The following EXOC4 variants were observed in gnomAD, a reference collection of about 807,000 sequenced individuals.
EXOC4 encodes SEC8-like 1.
In EXOC4, 71 loss-of-function variants were observed where a neutral mutation model predicts 107.2. The observed-to-expected ratio is 0.66, with a 90% confidence interval of 0.55 to 0.81. EXOC4 has a LOEUF of 0.81. Among genes scored for constraint, EXOC4 ranks in the 30% least tolerant of loss-of-function variants. The probability of loss-of-function intolerance (pLI) is 0.00; values close to 1 mark genes in which losing one functional copy is unlikely to be tolerated. For missense variants in EXOC4, 1,108 were observed against 1,189.6 expected (o/e 0.93, Z 1.01); for synonymous variants, 456 against 441.2 (o/e 1.03, Z -0.42).
At chr7:133,300,330 C>T (rs1794615118) in intron 3 of EXOC4, among the ~76,000 whole-genome samples, 1 of 152,172 alleles carries the variant, frequency 6.6e-6, no homozygotes, top group Non-Finnish European at 1.5e-5. Flanking sequence ...CAGGCAGTGG[C>T]AAAGCTTGGC....
At chr7:133,935,834 G>A (rs915161520) in intron 13 of EXOC4, among the ~76,000 whole-genome samples, 2 of 152,134 alleles carry the variant, frequency 1.3e-5, no homozygotes, top group Admixed American at 6.5e-5. Flanking sequence ...ACAGTTACAT[G>A]GGGGTTTGTT....
intron 14 of EXOC4, among the ~76,000 whole-genome samples, chr7:133,990,939 AC>A (rs1187128226): frequency 2.0e-5 from 3 of 152,136 alleles, no homozygotes; most frequent in Non-Finnish European, 4.4e-5. Context: ...TCTTGGATAT[AC>A]CCAGCAGTGA....
chr7:133,495,834 A>C (rs914826521), intron 9 of EXOC4, among the ~76,000 whole-genome samples: 4 of 152,160 alleles, frequency 2.6e-5, no homozygotes, highest in Admixed American at 1.3e-4. Context: ...TAGGAATGGA[A>C]TTGTTGGTTC....
At chr7:134,058,279 T>C (rs573491957) in intron 17 of EXOC4, among the ~76,000 whole-genome samples, 1 of 152,314 alleles carries the variant, frequency 6.6e-6, no homozygotes, top group East Asian at 1.9e-4. Context: ...AGAAGTCAGA[T>C]TCAGCACAGA....
chr7:134,029,264 T>C (rs921032513), intron 17 of EXOC4, among the ~76,000 whole-genome samples: 1 of 152,214 alleles, frequency 6.6e-6, no homozygotes, highest in African/African-American at 2.4e-5. Context: ...CCACCCTGAC[T>C]GATCTCCTAC....
chr7:133,737,916 T>TTTTC (rs1316015009), intron 10 of EXOC4, among the ~76,000 whole-genome samples: 1 of 136,022 alleles, frequency 7.4e-6, no homozygotes, highest in Non-Finnish European at 1.6e-5. Flanking sequence ...TTTCTTTTTT[T>TTTTC]TTTTTTTTTT....
rs1376652851 is a variant in EXOC4, at chr7:133,471,272, C to T, written c.1183-4056C>T. 2.0e-5 allele frequency among the ~76,000 whole-genome samples: 3 copies of T among 151,900 alleles called. No homozygotes were observed. The East Asian group carries it at 5.8e-4, about 29-fold the overall frequency. ...ACTACAAATACAAAAATTAGCTGGGCGTGGTGGCAGGTGCCTGTAATCCCT... is the reference window on the plus strand; with the variant it reads ...ACTACAAATACAAAAATTAGCTGGGTGTGGTGGCAGGTGCCTGTAATCCCT... On this transcript the variant is annotated intron_variant, in intron 7 of 17. Coordinates refer to ENST00000253861, the MANE Select transcript of EXOC4 (RefSeq NM_021807.4).
At chr7:133,692,079 A>G (rs1322621699) in intron 10 of EXOC4, among the ~76,000 whole-genome samples, 2 of 152,178 alleles carry the variant, frequency 1.3e-5, no homozygotes, top group East Asian at 1.9e-4. Context: ...TCACCTATGC[A>G]TAAATAGTGA....
At chr7:133,708,883 T>A (rs559915049) in intron 10 of EXOC4, among the ~76,000 whole-genome samples, 13 of 152,352 alleles carry the variant, frequency 8.5e-5, no homozygotes, top group Non-Finnish European at 1.2e-4. Flanking sequence ...ATAGCTCCAC[T>A]ACTGTACTGT....
intron 10 of EXOC4, among the ~76,000 whole-genome samples, chr7:133,755,274 TATA>T (rs1303810766): frequency 1.0e-5 from 1 of 100,128 alleles, no homozygotes; most frequent in African/African-American, 4.2e-5. Context: ...TTATATATAT[TATA>T]TATATTATAT....
At chr7:133,509,214 GT>G (rs1799721023) in intron 9 of EXOC4, among the ~76,000 whole-genome samples, 1 of 152,100 alleles carries the variant, frequency 6.6e-6, no homozygotes, top group Non-Finnish European at 1.5e-5. Flanking sequence ...GGATCATGAG[GT>G]CAGGAGATCG....
intron 7 of EXOC4, among the ~76,000 whole-genome samples, chr7:133,383,231 C>A (rs970326600): frequency 5.9e-5 from 9 of 152,122 alleles, no homozygotes; most frequent in Non-Finnish European, 1.3e-4. Context: ...TCACTTTGAA[C>A]AAACCCATCC....
intron 9 of EXOC4, among the ~76,000 whole-genome samples, chr7:133,591,156 G>A (rs977930760): frequency 3.3e-5 from 5 of 152,134 alleles, no homozygotes; most frequent in African/African-American, 7.2e-5. Flanking sequence ...AGCATCTCCC[G>A]AGTTGCTGAG....
chr7:134,030,045 G>C (rs1185247442), intron 17 of EXOC4, among the ~76,000 whole-genome samples: 1 of 152,164 alleles, frequency 6.6e-6, no homozygotes, highest in East Asian at 1.9e-4. Context: ...AATATTTATT[G>C]AATAAATGTG....
At chr7:134,017,641 T>C (rs1463541176) in intron 17 of EXOC4, among the ~76,000 whole-genome samples, 1 of 152,206 alleles carries the variant, frequency 6.6e-6, no homozygotes, top group Non-Finnish European at 1.5e-5. Context: ...AATTAATTGA[T>C]CTCTAATTAA....
At chr7:133,392,001 G>A (rs1413722133) in intron 7 of EXOC4, among the ~76,000 whole-genome samples, 1 of 152,196 alleles carries the variant, frequency 6.6e-6, no homozygotes, top group Non-Finnish European at 1.5e-5. Flanking sequence ...TTCCGCAGTA[G>A]TATAGGCAAG....
Position 133,999,102 on chromosome 7 carries a change from T to C in EXOC4, c.2348+1469T>C, listed in dbSNP as rs1003845048. On this transcript the variant is annotated intron_variant, in intron 15 of 17. Transcript: ENST00000253861. ...TTGGGATGCTTATTAAACAACTAGG[T>C]AGCAATGTCAAAACATCAGGATCAG... Among the ~76,000 whole-genome samples the C allele has an allele frequency of 2.0e-5, 3 of 152,262 alleles. No homozygotes were observed. In the South Asian group the frequency reaches 6.2e-4, roughly 32 times the overall value.
intron 13 of EXOC4, among the ~76,000 whole-genome samples, chr7:133,922,568 C>T (rs985479250): frequency 3.3e-5 from 5 of 152,014 alleles, no homozygotes; most frequent in African/African-American, 9.7e-5. Context: ...TATACATGGC[C>T]GGGCGCGGTG....
intron 9 of EXOC4, among the ~76,000 whole-genome samples, chr7:133,494,155 G>A (rs922589128): frequency 6.6e-6 from 1 of 152,094 alleles, no homozygotes; most frequent in African/African-American, 2.4e-5. Context: ...ATCCTTTAAC[G>A]GATTGGGTAA....
Sources: allele counts gnomAD v4.1 joint callset (sites outside exome capture counted in the v4.1 genomes callset), GRCh38; gene constraint gnomAD v4.1.1; transcripts MANE v1.5; gene names NCBI Gene and HGNC (gene_info 2026-07-23, HGNC 2026-07-21).